Variants in DDX10 observed in about 807,000 individuals in gnomAD.
The protein encoded by DDX10 is DEAD-box helicase 10.
In DDX10, 74 loss-of-function variants were observed where a neutral mutation model predicts 104.3. The observed-to-expected ratio is 0.71, with a 90% CI of 0.59 to 0.86. The LOEUF (loss-of-function observed/expected upper bound fraction) is 0.86. Ranked by LOEUF, DDX10 falls within the 40% of genes least tolerant of loss-of-function variation. DDX10 has a pLI of 0.00. For synonymous variants in DDX10, 351 were observed against 353.4 expected, an observed-to-expected ratio of 0.99 and a Z score of 0.08; for missense variants, 952 against 1,040.0, an observed-to-expected ratio of 0.92 and a Z score of 1.16.
At chr11:108,854,445 G>A (rs1862838223) in intron 16 of DDX10, among the ~76,000 whole-genome samples, 1 of 152,148 alleles carries the variant, frequency 6.6e-6, no homozygotes, top group African/African-American at 2.4e-5. Flanking sequence ...TTAGGATATT[G>A]CCTTCTGAAT....
chr11:108,931,951 C>A (rs1465457029), intron 17 of DDX10, among the ~76,000 whole-genome samples: 2 of 151,864 alleles, frequency 1.3e-5, no homozygotes, highest in Non-Finnish European at 2.9e-5. Context: ...TTTTAGTGAG[C>A]CAACAAAAGC....
At chr11:108,835,341 T>C (rs1862539419) in intron 13 of DDX10, among the ~76,000 whole-genome samples, 1 of 152,078 alleles carries the variant, frequency 6.6e-6, no homozygotes, top group Admixed American at 6.5e-5. Context: ...TTGCCACCAG[T>C]TGGTGATATT....
At position 108,881,910 on chromosome 11, in the gene DDX10, T is replaced by A. The variant is rs184353154; in HGVS notation, c.2304+29701T>A. The stretch of plus-strand genomic sequence containing the variant: ...CCTAAATGTAATTTAATTAAAAAAA[T>A]TTTTTTTGCCACCACTCTATATGGT... On this transcript the variant is annotated intron_variant, in intron 16 of 17. Transcript: ENST00000322536. 7.2e-5 allele frequency among the ~76,000 whole-genome samples: 11 copies of A among 152,170 alleles called. No homozygotes were observed. In the East Asian group the frequency reaches 7.7e-4, roughly 11 times the overall value.
chr11:108,929,257 G>A (rs1863947232), intron 17 of DDX10, among the ~76,000 whole-genome samples: 2 of 152,164 alleles, frequency 1.3e-5, no homozygotes, highest in African/African-American at 4.8e-5. Context: ...GGTGGTGACA[G>A]GGCCTTGAAA....
intron 13 of DDX10, among the ~76,000 whole-genome samples, chr11:108,762,518 G>GA (rs2094351942): frequency 6.6e-6 from 1 of 152,168 alleles, no homozygotes; most frequent in Admixed American, 6.6e-5. Context: ...AAAAACCTAA[G>GA]AAGGAGTTCC....
At chr11:108,880,684 G>A (rs914629882) in intron 16 of DDX10, among the ~76,000 whole-genome samples, 1 of 152,158 alleles carries the variant, frequency 6.6e-6, no homozygotes, top group African/African-American at 2.4e-5. Flanking sequence ...ATACCCTAGG[G>A]TTGCTCTGTA....
At chr11:108,904,360 T>C (rs1436591080) in intron 16 of DDX10, among the ~76,000 whole-genome samples, 1 of 152,238 alleles carries the variant, frequency 6.6e-6, no homozygotes, top group Non-Finnish European at 1.5e-5. Flanking sequence ...TTGTAATTTT[T>C]ACATTTGTAG....
At chr11:108,696,851 G>A (rs750026291) in intron 9 of DDX10, among the ~76,000 whole-genome samples, 10 of 152,038 alleles carry the variant, frequency 6.6e-5, no homozygotes, top group Non-Finnish European at 1.5e-4. Context: ...AATACATTTA[G>A]CAGTAAAATT....
rs369298970 is a variant in DDX10, at chr11:108,665,215, A to G, written c.62A>G (p.Asn21Ser). 6.0e-5 allele frequency: 97 copies of G among 1,613,492 alleles called. No homozygotes were observed. In the South Asian group the frequency reaches 9.3e-4, roughly 16 times the overall value. Residue 21 changes from asparagine (N) to serine (S), a missense_variant, in exon 1 of 18, where the codon AAT (asparagine) becomes AGT (serine). Transcript: ENST00000322536. ...CGACCCGACCCGGTGCGGAGCTTCA[A>G]TCGCTGGAAGAAAAAACACAGCCAT... is the stretch of plus-strand genomic sequence containing the variant. Reference protein sequence around the residue: ...GARPDPVRSFNRWKKKHSHRQ... With the variant: ...GARPDPVRSFSRWKKKHSHRQ...
chr11:108,665,201 G>C lies in DDX10; in HGVS notation c.48G>C (p.Pro16=). Residue 16 remains proline, a synonymous_variant, in exon 1 of 18, where the codon CCG becomes CCC. Transcript: ENST00000322536. ...CGGGTTCGGGAGCCCGACCCGACCC[G>C]GTGCGGAGCTTCAATCGCTGGAAGA... ...NSPGSGARPD[P]VRSFNRWKKK... is the part of the protein sequence containing the mutation. 1.2e-6 allele frequency: 2 copies of C among 1,613,116 alleles called. No homozygotes were observed. The highest frequency in any genetic ancestry group is 1.7e-6 in the Non-Finnish European group (2 of 1,179,692).
chr11:108,913,038 G>C (rs918569693), intron 16 of DDX10, among the ~76,000 whole-genome samples: 1 of 152,110 alleles, frequency 6.6e-6, no homozygotes, highest in African/African-American at 2.4e-5. Context: ...TAAGTCAAAA[G>C]GAGGTAAAAA....
chr11:108,894,183 C>T (rs1441390826), intron 16 of DDX10, among the ~76,000 whole-genome samples: 1 of 152,002 alleles, frequency 6.6e-6, no homozygotes, highest in Non-Finnish European at 1.5e-5. Flanking sequence ...GAATAATACA[C>T]TTTGCATGTT....
At chr11:108,814,096 C>T (rs957834436) in intron 13 of DDX10, among the ~76,000 whole-genome samples, 2 of 152,064 alleles carry the variant, frequency 1.3e-5, no homozygotes, top group Non-Finnish European at 2.9e-5. Context: ...GTCTCCTTCT[C>T]CCTATCCTTT....
chr11:108,887,835 G>A (rs974723846), intron 16 of DDX10, among the ~76,000 whole-genome samples: 2 of 151,924 alleles, frequency 1.3e-5, no homozygotes, highest in Non-Finnish European at 2.9e-5. Flanking sequence ...CAGGAAAATC[G>A]CTTAAACCTG....
intron 13 of DDX10, among the ~76,000 whole-genome samples, chr11:108,809,713 G>A (rs1862152284): frequency 6.6e-6 from 1 of 152,168 alleles, no homozygotes; most frequent in Non-Finnish European, 1.5e-5. Context: ...TCTAATGCAT[G>A]TATCCTCCAC....
At chr11:108,909,334 TCCCGCCCCTTCCCTTGTCCTGTGC>T in intron 16 of DDX10, among the ~76,000 whole-genome samples, 1 of 135,932 alleles carries the variant, frequency 7.4e-6, no homozygotes, top group South Asian at 2.4e-4. Context: ...TGTGCCCCAC[TCCCGCCCCTTCCCTTGTCCTGTGC>T]CCCACTCCCG....
intron 9 of DDX10, among the ~76,000 whole-genome samples, chr11:108,695,864 A>G (rs867223660): frequency 5.9e-5 from 9 of 151,816 alleles, no homozygotes; most frequent in East Asian, 1.9e-4. Flanking sequence ...GCTTCTTTTG[A>G]CCAGCATGAA....
chr11:108,722,102 G>T (rs956812957), intron 12 of DDX10, among the ~76,000 whole-genome samples: 16 of 152,194 alleles, frequency 1.1e-4, no homozygotes, highest in Non-Finnish European at 1.8e-4. Flanking sequence ...GGTATGGAAA[G>T]ATTAAATCAT....
intron 1 of DDX10, among the ~76,000 whole-genome samples, chr11:108,667,724 C>A (rs2094211850): frequency 6.6e-6 from 1 of 152,224 alleles, no homozygotes; most frequent in Non-Finnish European, 1.5e-5. Flanking sequence ...GATGTTTCCA[C>A]TGTGTGCAGT....
Sources: allele counts gnomAD v4.1 joint callset (sites outside exome capture counted in the v4.1 genomes callset), GRCh38; gene constraint gnomAD v4.1.1; transcripts MANE v1.5; gene names NCBI Gene and HGNC (gene_info 2026-07-23, HGNC 2026-07-21).